Variants in FAM81B observed in about 807,000 individuals in gnomAD.
The protein encoded by FAM81B is family with sequence similarity 81 member B.
A neutral mutation model predicts 58.7 loss-of-function variants in FAM81B; 60 were observed. The observed-to-expected ratio is 1.02, with a 90% CI of 0.83 to 1.27. FAM81B has a LOEUF of 1.27. FAM81B is among the 50% of genes most tolerant of loss of function. The probability of loss-of-function intolerance (pLI) is 0.00; values close to 1 mark genes in which losing one functional copy is unlikely to be tolerated. For missense variants in FAM81B, 491 were observed against 522.0 expected, an observed-to-expected ratio of 0.94 and a Z score of 0.58; for synonymous variants, 189 against 179.6, an observed-to-expected ratio of 1.05 and a Z score of -0.42.
intron 3 of FAM81B, among the ~76,000 whole-genome samples, chr5:95,413,185 A>G (rs60393830): frequency 0.022 from 3,373 of 152,226 alleles, 133 homozygotes; most frequent in African/African-American, 0.076. Context: ...CTGTGTTTTT[A>G]CTTTTTCTAT....
chr5:95,420,976 C>A (rs35896762), intron 5 of FAM81B, among the ~76,000 whole-genome samples: 24,778 of 152,100 alleles, frequency 0.16, 2,150 homozygotes, highest in Non-Finnish European at 0.19. Context: ...TCTGCCAGTA[C>A]CTCATTCCTC....
intron 8 of FAM81B, among the ~76,000 whole-genome samples, chr5:95,447,992 C>T (rs1745647943): frequency 6.6e-6 from 1 of 152,094 alleles, no homozygotes; most frequent in African/African-American, 2.4e-5. Context: ...TCTAAAATGT[C>T]TTTGAATATT....
At chr5:95,434,580 G>T (rs150141557) in intron 6 of FAM81B, among the ~76,000 whole-genome samples, 6 of 152,084 alleles carry the variant, frequency 3.9e-5, no homozygotes, top group Non-Finnish European at 7.3e-5. Flanking sequence ...CTACAGCATC[G>T]CACCTTCACA....
Position 95,448,305 on chromosome 5 carries a change from C to T in FAM81B, c.1066C>T (p.Gln356Ter). 1 of 1,606,372 alleles carries T rather than the reference C, an allele frequency of 6.2e-7. No homozygotes were observed. The highest frequency in any genetic ancestry group is 1.7e-5 in the Admixed American group (1 of 58,462). ...SENKMEEKLL[Q>*]LSSKVENFIN... ...AAATAAAATGGAAGAAAAACTGCTG[C>T]AGCTTTCAAGCAAAGTAGAGAATTT... The change falls in exon 9 of 10, where the codon CAG becomes TAG. Residue 356 changes from glutamine to a stop codon, truncating the protein, a stop_gained. Transcript: ENST00000283357. LOFTEE classifies it high-confidence loss of function.
intron 3 of FAM81B, among the ~76,000 whole-genome samples, chr5:95,403,991 T>A (rs1219753337): frequency 6.6e-6 from 1 of 152,158 alleles, no homozygotes; most frequent in African/African-American, 2.4e-5. Context: ...TCTGCCATAC[T>A]GAGAACATCT....
intron 2 of FAM81B, among the ~76,000 whole-genome samples, chr5:95,394,247 T>G (rs2152759663): frequency 6.6e-6 from 1 of 152,278 alleles, no homozygotes; most frequent in Non-Finnish European, 1.5e-5. Context: ...GACTTAAAAA[T>G]TAATAAAATA....
chr5:95,401,282 T>A (rs1762107516), intron 3 of FAM81B, among the ~76,000 whole-genome samples: 1 of 152,168 alleles, frequency 6.6e-6, no homozygotes, highest in Non-Finnish European at 1.5e-5. Flanking sequence ...ACCGTGCCAC[T>A]ATATGGAGTT....
rs376534145 is a variant in FAM81B, at chr5:95,392,827, C to T, written c.158C>T (p.Ala53Val). 2.2e-5 allele frequency: 35 copies of T among 1,611,772 alleles called. No individual in the cohort carries two copies. The highest frequency in any genetic ancestry group is 2.9e-5 in the Non-Finnish European group (34 of 1,179,024). ...GTAAACAAAAGTGCCTCTCCAACTG[C>T]GACTGCAGAGGAACAGCCAGTTGAA... Reference protein sequence around the residue: ...TNVNKSASPTATAEEQPVEPD... With the variant: ...TNVNKSASPTVTAEEQPVEPD... Residue 53 changes from alanine to valine, a missense_variant, in exon 2 of 10, where the codon GCG (alanine) becomes GTG (valine). Transcript: ENST00000283357.
intron 3 of FAM81B, among the ~76,000 whole-genome samples, chr5:95,401,310 G>C (rs1425929048): frequency 6.6e-6 from 1 of 152,060 alleles, no homozygotes; most frequent in Non-Finnish European, 1.5e-5. Flanking sequence ...GGCCCTTCCT[G>C]ATGCTCTGTG....
chr5:95,450,365 G>A lies in FAM81B; in HGVS notation c.*83G>A. 3 of 1,577,752 alleles carry A rather than the reference G, an allele frequency of 1.9e-6. No homozygotes were observed. The highest frequency in any genetic ancestry group is 2.6e-6 in the Non-Finnish European group (3 of 1,167,994). ...CTGAAGAAGAAAGTTACTATCTCTG[G>A]GATGTTTACTGCTTCTAATGTCTCC... On this transcript the variant is annotated 3_prime_UTR_variant, in exon 10 of 10. Transcript: ENST00000283357.
At chr5:95,426,092 G>GTATA (rs201172690) in intron 5 of FAM81B, among the ~76,000 whole-genome samples, 1,883 of 84,704 alleles carry the variant, frequency 0.022, 28 homozygotes, top group African/African-American at 0.034. Flanking sequence ...CTATCTCTGT[G>GTATA]TGTATATATA....
At chr5:95,436,021 T>C (rs1482613148) in intron 6 of FAM81B, among the ~76,000 whole-genome samples, 4 of 152,160 alleles carry the variant, frequency 2.6e-5, no homozygotes, top group African/African-American at 9.7e-5. Context: ...CATATGACCG[T>C]CTTTATTAGG....
intron 6 of FAM81B, among the ~76,000 whole-genome samples, chr5:95,432,487 C>G (rs1259086655): frequency 6.6e-6 from 1 of 152,034 alleles, no homozygotes; most frequent in Non-Finnish European, 1.5e-5. Context: ...TTGCTTCTGA[C>G]ATATTATCTG....
chr5:95,423,206 A>G (rs567525480), intron 5 of FAM81B, among the ~76,000 whole-genome samples: 2 of 152,228 alleles, frequency 1.3e-5, no homozygotes, highest in Non-Finnish European at 2.9e-5. Flanking sequence ...ATCAGTCTCA[A>G]TATTTAATAA....
chr5:95,407,420 ACGCGTGCG>A (rs1762283596), intron 3 of FAM81B, among the ~76,000 whole-genome samples: 2 of 142,870 alleles, frequency 1.4e-5, no homozygotes, highest in Admixed American at 7.0e-5. Context: ...GCACACACAC[ACGCGTGCG>A]CGCACACAAA....
At chr5:95,404,644 C>G (rs1582788761) in intron 3 of FAM81B, among the ~76,000 whole-genome samples, 1 of 152,112 alleles carries the variant, frequency 6.6e-6, no homozygotes, top group East Asian at 1.9e-4. Context: ...AACAACTGAG[C>G]CTTAAGGGAA....
chr5:95,391,673 C>A (rs369044296), intron 1 of FAM81B, among the ~76,000 whole-genome samples, 160 bp downstream of exon 1: 1,923 of 146,134 alleles, frequency 0.013, 23 homozygotes, highest in South Asian at 0.031. Context: ...GAAAAAAAAA[C>A]CCCATCAAAA....
chr5:95,424,112 G>A (rs1762761073), intron 5 of FAM81B: 1 of 1,289,688 alleles, frequency 7.8e-7, no homozygotes, highest in African/African-American at 1.5e-5. Flanking sequence ...GGCTGAGGAA[G>A]GAGAGAGATT....
chr5:95,415,710 T>C (rs541612053), intron 4 of FAM81B, among the ~76,000 whole-genome samples: 10 of 152,154 alleles, frequency 6.6e-5, no homozygotes, highest in Non-Finnish European at 1.5e-4. Context: ...TTCTTGGTAA[T>C]TGAAAAAGCC....
Sources: gnomAD v4.1 joint callset for allele counts (sites outside exome capture counted in the v4.1 genomes callset) on GRCh38, gnomAD v4.1.1 for gene constraint, MANE v1.5 for transcripts, NCBI Gene and HGNC (gene_info 2026-07-23, HGNC 2026-07-21) for gene names.